Variants in CERS4 observed in about 807,000 individuals in gnomAD.
CERS4 encodes LAG1 homolog, ceramide synthase 4.
CERS4 carries 65 observed loss-of-function variants against 51.8 expected under a neutral mutation model. That is an observed-to-expected ratio of 1.26 (90% CI 1.03 to 1.54). The LOEUF (loss-of-function observed/expected upper bound fraction) is 1.54, where lower values mean the gene tolerates loss of function less well. Ranked by LOEUF, CERS4 falls within the 40% of genes most tolerant of loss-of-function variation. The pLI, the probability that CERS4 is intolerant of heterozygous loss-of-function variation, is 0.00. For missense variants in CERS4, 563 were observed against 500.4 expected, an observed-to-expected ratio of 1.13 and a Z score of -1.19; for synonymous variants, 228 against 208.4, an observed-to-expected ratio of 1.09 and a Z score of -0.81.
chr19:8,231,747 T>C (rs1968012422), intron 2 of CERS4, among the ~76,000 whole-genome samples: 1 of 151,742 alleles, frequency 6.6e-6, no homozygotes, highest in Admixed American at 6.6e-5. Flanking sequence ...AAAGACAGGG[T>C]TTCATCGTGT....
chr19:8,223,624 A>G (rs1012906912), intron 2 of CERS4, among the ~76,000 whole-genome samples: 6 of 151,902 alleles, frequency 3.9e-5, no homozygotes, highest in African/African-American at 1.5e-4. Context: ...TGTCTAAAAA[A>G]ACAAAGACAA....
chr19:8,249,013 TTGGA>T (rs201151123), intron 2 of CERS4, among the ~76,000 whole-genome samples: 1,458 of 138,066 alleles, frequency 0.011, 26 homozygotes, highest in African/African-American at 0.038. Context: ...GGACAGATGT[TTGGA>T]TGGGTGGATG....
chr19:8,253,762 G>C (rs1272714710), intron 3 of CERS4, among the ~76,000 whole-genome samples: 1 of 152,030 alleles, frequency 6.6e-6, no homozygotes, highest in African/African-American at 2.4e-5. Flanking sequence ...AGATGATTTT[G>C]TATTTTCAGT....
At chr19:8,245,128 A>AAAAACAAAACAAAAACAAAAC (rs1568523539) in intron 2 of CERS4, among the ~76,000 whole-genome samples, 167 of 18,876 alleles carry the variant, frequency 8.8e-3, no homozygotes, top group African/African-American at 0.019. Flanking sequence ...AAAAAAAAAA[A>AAAAACAAAACAAAAACAAAAC]AAAAAAACAC....
intron 2 of CERS4, among the ~76,000 whole-genome samples, chr19:8,234,284 C>T (rs12974739): frequency 0.45 from 68,274 of 151,772 alleles, 15,599 homozygotes; most frequent in Non-Finnish European, 0.48. Context: ...CCAGCCTGGG[C>T]GACAGAGTGA....
intron 2 of CERS4, among the ~76,000 whole-genome samples, chr19:8,237,586 T>G (rs1278449760): frequency 6.7e-6 from 1 of 149,748 alleles, no homozygotes; most frequent in African/African-American, 2.5e-5. Context: ...CATGGTGGCT[T>G]ATGCCTGTAA....
intron 2 of CERS4, among the ~76,000 whole-genome samples, chr19:8,231,981 C>T (rs1174493750): frequency 6.6e-6 from 1 of 150,996 alleles, no homozygotes; most frequent in Non-Finnish European, 1.5e-5. Flanking sequence ...GCATGTACCA[C>T]CTCACCCAGC....
At chr19:8,215,194 C>T (rs564597954) in intron 2 of CERS4, among the ~76,000 whole-genome samples, 55 of 151,962 alleles carry the variant, frequency 3.6e-4, no homozygotes, top group African/African-American at 1.3e-3. Context: ...AGCCAAGCAG[C>T]AGGGCCAGGC....
chr19:8,256,220 A>C lies in CERS4; in HGVS notation c.469-16A>C. 1 of 1,609,136 alleles carries C rather than the reference A, an allele frequency of 6.2e-7. No individual in the cohort carries two copies. Among genetic ancestry groups the C allele is most frequent in the Non-Finnish European group, 8.5e-7 (1 of 1,177,964 alleles). On this transcript the variant is annotated splice_polypyrimidine_tract_variant and intron_variant, in intron 6 of 11. Coordinates refer to ENST00000251363, the MANE Select transcript of CERS4 (RefSeq NM_024552.3). ...GATTCTCACCTCTGCACAGCCTGAC[A>C]CCCATTTCCCTGCAGGAGTCATGGC... is the stretch of plus-strand genomic sequence containing the variant.
intron 7 of CERS4, 41 bp from the exon 8 acceptor site, chr19:8,256,577 C>G (rs956349556): frequency 1.7e-5 from 27 of 1,571,068 alleles, no homozygotes; most frequent in Non-Finnish European, 2.3e-5. Flanking sequence ...CCGATTGGAG[C>G]CTTCGCTCCC....
chr19:8,215,967 TGGCCCTGCCTCA>T (rs1341492027), intron 2 of CERS4, among the ~76,000 whole-genome samples: 1 of 152,294 alleles, frequency 6.6e-6, no homozygotes, highest in African/African-American at 2.4e-5. Flanking sequence ...CCAGGATGCC[TGGCCCTGCCTCA>T]GGGCCTTTGC....
intron 2 of CERS4, among the ~76,000 whole-genome samples, chr19:8,243,360 A>G (rs1599560271): frequency 6.6e-6 from 1 of 151,984 alleles, no homozygotes; most frequent in South Asian, 2.1e-4. Context: ...CTTGTCTGCT[A>G]GTGAAGATGA....
At chr19:8,232,889 ATTTTT>A (rs34774744) in intron 2 of CERS4, among the ~76,000 whole-genome samples, 2 of 59,172 alleles carry the variant, frequency 3.4e-5, no homozygotes, top group Non-Finnish European at 6.4e-5. Context: ...TGCCTCGCTG[ATTTTT>A]TTTTTTTTTT....
chr19:8,247,208 C>G (rs1968826011), intron 2 of CERS4, among the ~76,000 whole-genome samples: 1 of 152,108 alleles, frequency 6.6e-6, no homozygotes, highest in African/African-American at 2.4e-5. Flanking sequence ...CTGCGGCCCC[C>G]ATGCCTTGCA....
chr19:8,224,277 C>T (rs989446354), intron 2 of CERS4, among the ~76,000 whole-genome samples: 1 of 151,340 alleles, frequency 6.6e-6, no homozygotes, highest in Non-Finnish European at 1.5e-5. Context: ...TGTGGTGGCA[C>T]GCGCTTGTAA....
intron 2 of CERS4, among the ~76,000 whole-genome samples, chr19:8,238,320 G>A (rs921091262): frequency 3.3e-5 from 5 of 152,098 alleles, no homozygotes; most frequent in African/African-American, 1.2e-4. Context: ...AGGGGACTCT[G>A]CCTAGCATAG....
intron 10 of CERS4, among the ~76,000 whole-genome samples, chr19:8,258,821 G>A (rs1969528600): frequency 6.6e-6 from 1 of 151,756 alleles, no homozygotes; most frequent in African/African-American, 2.4e-5. Context: ...CAGCCTGGGT[G>A]ACAGAGGGAG....
intron 3 of CERS4, among the ~76,000 whole-genome samples, 193 bp from the exon 4 acceptor site, chr19:8,254,306 G>A (rs1477840286): frequency 1.0e-5 from 1 of 97,522 alleles, no homozygotes; most frequent in Non-Finnish European, 2.0e-5. Flanking sequence ...CTGGGTGACA[G>A]TGCAATACTC....
chr19:8,254,553 G>C lies in CERS4; in HGVS notation c.228G>C (p.Arg76Ser), dbSNP rs1303023687. Reference protein sequence around the residue: ...RWLGVRDQTRRQVKPNATLEK... With the variant: ...RWLGVRDQTRSQVKPNATLEK... ...TGGGTGTGAGGGATCAGACCAGGAG[G>C]CAAGTGAAGCCCAACGCCACGCTGG... The change falls in exon 4 of 12, where the codon AGG becomes AGC. Residue 76 changes from arginine to serine, a missense_variant. Transcript: ENST00000251363. The C allele has an allele frequency of 6.2e-7, 1 of 1,613,582 alleles. No individual in the cohort carries two copies.
Sources: gnomAD v4.1 joint callset for allele counts (sites outside exome capture counted in the v4.1 genomes callset) on GRCh38, gnomAD v4.1.1 for gene constraint, MANE v1.5 for transcripts, NCBI Gene and HGNC (gene_info 2026-07-23, HGNC 2026-07-21) for gene names.